The following RBM47 variants were observed in gnomAD, a reference collection of about 807,000 sequenced individuals.
RBM47 encodes RNA-binding protein 47.
In RBM47, 21 loss-of-function variants were observed where a neutral mutation model predicts 47.1. The observed-to-expected ratio is 0.45, with a 90% CI of 0.32 to 0.64. The LOEUF (loss-of-function observed/expected upper bound fraction) is 0.64, where lower values mean the gene tolerates loss of function less well. RBM47 is among the 30% of genes least tolerant of loss of function. RBM47 has a pLI of 0.05. For missense variants in RBM47, 708 were observed against 870.9 expected, an observed-to-expected ratio of 0.81 and a Z score of 2.35; for synonymous variants, 375 against 361.7, an observed-to-expected ratio of 1.04 and a Z score of -0.42.
chr4:40,513,722 T>C (rs1452903269), intron 2 of RBM47, among the ~76,000 whole-genome samples: 1 of 152,082 alleles, frequency 6.6e-6, no homozygotes, highest in Non-Finnish European at 1.5e-5. Context: ...GACTTTTTTT[T>C]TTTTTCTTTT....
chr4:40,555,216 G>A (rs1455524406), intron 1 of RBM47, among the ~76,000 whole-genome samples: 4 of 152,214 alleles, frequency 2.6e-5, no homozygotes, highest in Admixed American at 2.6e-4. Flanking sequence ...ACAGGCGTGA[G>A]CCACCACACC....
chr4:40,520,983 G>C (rs1726140318), intron 2 of RBM47, among the ~76,000 whole-genome samples: 1 of 152,290 alleles, frequency 6.6e-6, no homozygotes, highest in East Asian at 1.9e-4. Flanking sequence ...ACACGGACTA[G>C]TGATAAAAAG....
At chr4:40,436,334 G>A (rs1712397864) in intron 5 of RBM47, 107 bp downstream of exon 5, 3 of 1,075,284 alleles carry the variant, frequency 2.8e-6, no homozygotes, top group Non-Finnish European at 2.7e-6. Context: ...AGGAGAAGAG[G>A]AACCCCTGTG....
intron 1 of RBM47, among the ~76,000 whole-genome samples, chr4:40,591,554 C>T (rs529059823): frequency 1.3e-5 from 2 of 152,066 alleles, no homozygotes; most frequent in East Asian, 1.9e-4. Flanking sequence ...ATTAGCTGGG[C>T]GTGGTGGCAT....
chr4:40,495,274 C>T (rs1181429308), intron 2 of RBM47, among the ~76,000 whole-genome samples: 1 of 152,182 alleles, frequency 6.6e-6, no homozygotes, highest in Admixed American at 6.5e-5. Context: ...TTCCAGGTCT[C>T]ATGAAAAGTT....
chr4:40,573,783 A>AG (rs1731986303), intron 1 of RBM47, among the ~76,000 whole-genome samples: 1 of 126,200 alleles, frequency 7.9e-6, no homozygotes, highest in African/African-American at 3.5e-5. Context: ...GAAAGAAAGA[A>AG]AGAGAGAGAG....
At chr4:40,565,857 GACCCC>G (rs1731049240) in intron 1 of RBM47, among the ~76,000 whole-genome samples, 1 of 152,058 alleles carries the variant, frequency 6.6e-6, no homozygotes, top group Non-Finnish European at 1.5e-5. Flanking sequence ...AGGCTTGCTT[GACCCC>G]ACGAAAGACC....
At chr4:40,594,709 T>A (rs1734596553) in intron 1 of RBM47, among the ~76,000 whole-genome samples, 1 of 152,194 alleles carries the variant, frequency 6.6e-6, no homozygotes, top group Non-Finnish European at 1.5e-5. Flanking sequence ...CTGAATTCCA[T>A]GGACCCAAAT....
intron 2 of RBM47, among the ~76,000 whole-genome samples, chr4:40,536,627 G>A (rs1728009341): frequency 6.6e-6 from 1 of 152,042 alleles, no homozygotes; most frequent in Non-Finnish European, 1.5e-5. Flanking sequence ...TCCTTTTGTA[G>A]GTAATTGTCT....
At chr4:40,603,131 A>G (rs1424547374) in intron 1 of RBM47, among the ~76,000 whole-genome samples, 1 of 152,186 alleles carries the variant, frequency 6.6e-6, no homozygotes, top group Non-Finnish European at 1.5e-5. Flanking sequence ...ATCGCCCACC[A>G]AAGGTTGACT....
chr4:40,506,229 G>A (rs901809246), intron 2 of RBM47, among the ~76,000 whole-genome samples: 43 of 152,268 alleles, frequency 2.8e-4, no homozygotes, highest in African/African-American at 9.9e-4. Flanking sequence ...TGACAGCAAC[G>A]GTGCTTACTT....
chr4:40,459,680 G>A (rs572086115), intron 3 of RBM47, among the ~76,000 whole-genome samples: 2 of 152,312 alleles, frequency 1.3e-5, no homozygotes, highest in Admixed American at 1.3e-4. Context: ...CTGCATGGCC[G>A]AAAGGAGCCC....
chr4:40,611,333 C>T (rs1736239978), intron 1 of RBM47, among the ~76,000 whole-genome samples: 1 of 152,218 alleles, frequency 6.6e-6, no homozygotes, highest in Non-Finnish European at 1.5e-5. Context: ...ACCCAGAATA[C>T]TTCTGATACA....
intron 2 of RBM47, among the ~76,000 whole-genome samples, chr4:40,511,888 T>C (rs1724978007): frequency 6.6e-6 from 1 of 151,000 alleles, no homozygotes; most frequent in African/African-American, 2.4e-5. Flanking sequence ...TGAGCCAAGA[T>C]TGTGCCACTG....
chr4:40,438,012 G>T lies in RBM47; in HGVS notation c.882C>A (p.Ala294=). The T allele has an allele frequency of 1.2e-6, 2 of 1,613,632 alleles. No individual in the cohort carries two copies. The highest frequency in any genetic ancestry group is 1.7e-6 in the Non-Finnish European group (2 of 1,180,032). Residue 294 remains alanine (A), a synonymous_variant, in exon 4 of 7, where the codon GCC becomes GCA. Transcript: ENST00000295971. ...CGTTGAGGTTGTTCATGGCATGCACGGCATCCTCGCGGCTGGTGAAGTGCA... is the reference window on the plus strand; with the variant it reads ...CGTTGAGGTTGTTCATGGCATGCACTGCATCCTCGCGGCTGGTGAAGTGCA... ...AFVHFTSRED[A]VHAMNNLNGT...
intron 2 of RBM47, among the ~76,000 whole-genome samples, chr4:40,527,288 A>G (rs1415233581): frequency 1.4e-5 from 2 of 139,406 alleles, no homozygotes; most frequent in African/African-American, 5.9e-5. Flanking sequence ...ACAACTGGCT[A>G]ATTTTTTTTT....
At chr4:40,518,153 CTTTTCTTTTTTTTT>C (rs1725808069) in intron 2 of RBM47, among the ~76,000 whole-genome samples, 1 of 99,546 alleles carries the variant, frequency 1.0e-5, no homozygotes, top group African/African-American at 3.5e-5. Flanking sequence ...TGTTTCTTTT[CTTTTCTTTTTTTTT>C]TTTTTTTTTT....
chr4:40,553,429 C>T (rs1729767045), intron 1 of RBM47, among the ~76,000 whole-genome samples: 1 of 152,118 alleles, frequency 6.6e-6, no homozygotes, highest in African/African-American at 2.4e-5. Context: ...TCCCAAGTAG[C>T]TGGGATTACA....
At chr4:40,477,070 C>G (rs1249056753) in intron 2 of RBM47, among the ~76,000 whole-genome samples, 1 of 152,108 alleles carries the variant, frequency 6.6e-6, no homozygotes, top group Non-Finnish European at 1.5e-5. Flanking sequence ...GTAATCCCAA[C>G]TACTCGGAAG....
Sources: gnomAD v4.1 joint callset for allele counts (sites outside exome capture counted in the v4.1 genomes callset) on GRCh38, gnomAD v4.1.1 for gene constraint, MANE v1.5 for transcripts, NCBI Gene and HGNC (gene_info 2026-07-23, HGNC 2026-07-21) for gene names.